CAMTA1: variants seen among roughly 807,000 people sequenced by gnomAD.
The protein encoded by CAMTA1 is calmodulin-binding transcription activator 1.
In CAMTA1, 27 loss-of-function variants were observed where a neutral mutation model predicts 170.9. The observed-to-expected ratio is 0.16, with a 90% CI of 0.12 to 0.22. CAMTA1 has a LOEUF of 0.22. CAMTA1 is among the 10% of genes least tolerant of loss of function. CAMTA1 has a pLI of 1.00. For missense variants in CAMTA1, 1,619 were observed against 2,217.2 expected, an observed-to-expected ratio of 0.73 and a Z score of 5.42; for synonymous variants, 833 against 891.5, an observed-to-expected ratio of 0.93 and a Z score of 1.17.
intron 6 of CAMTA1, among the ~76,000 whole-genome samples, chr1:7,553,538 G>A (rs74654737): frequency 0.027 from 4,075 of 152,340 alleles, 100 homozygotes; most frequent in Admixed American, 0.065. Context: ...GCGAAGCTCA[G>A]GGTTCTGTCC....
At position 6,883,577 on chromosome 1, in the gene CAMTA1, T is replaced by C. The variant is rs146678422; in HGVS notation, c.234+58367T>C. Among the ~76,000 whole-genome samples, 828 of 152,058 alleles carry C rather than the reference T, an allele frequency of 5.4e-3. 1 individual carries two copies. The highest frequency in any genetic ancestry group is 9.4e-3 in the Non-Finnish European group (640 of 67,968). ...CGATGTGAGGATTGAGGATAGACCA[T>C]GTGGTCTAAGCCAGGCAAGGAGCCA... On this transcript the variant is annotated intron_variant, in intron 3 of 22. Coordinates refer to ENST00000303635, the MANE Select transcript of CAMTA1 (RefSeq NM_015215.4).
chr1:7,742,132 C>CAT (rs34856922), intron 16 of CAMTA1, among the ~76,000 whole-genome samples: 35,278 of 150,952 alleles, frequency 0.23, 4,567 homozygotes, highest in Middle Eastern at 0.45. Flanking sequence ...TGTATATATA[C>CAT]ATATATATAT....
chr1:7,119,400 C>T (rs1644515702), intron 4 of CAMTA1, among the ~76,000 whole-genome samples: 1 of 152,144 alleles, frequency 6.6e-6, no homozygotes, highest in Admixed American at 6.5e-5. Flanking sequence ...TCCTAACCTC[C>T]CCATACCCCT....
intron 5 of CAMTA1, among the ~76,000 whole-genome samples, chr1:7,416,163 C>T (rs900334077): frequency 3.9e-5 from 6 of 152,126 alleles, no homozygotes; most frequent in African/African-American, 9.7e-5. Flanking sequence ...TTGTGGGTAA[C>T]CCGACCTTTC....
chr1:7,376,528 T>A (rs2086855229), intron 5 of CAMTA1, among the ~76,000 whole-genome samples: 1 of 152,144 alleles, frequency 6.6e-6, no homozygotes, highest in Admixed American at 6.5e-5. Flanking sequence ...AGTCCAGCAG[T>A]GTGGACGTTC....
At chr1:7,699,587 C>A (rs1468929583) in intron 11 of CAMTA1, among the ~76,000 whole-genome samples, 3 of 152,190 alleles carry the variant, frequency 2.0e-5, no homozygotes, top group Non-Finnish European at 4.4e-5. Flanking sequence ...TTTTGAAGAA[C>A]TGCCAGACTG....
In CAMTA1 at chr1:7,583,599, A is replaced by G. The variant is rs139037303; in HGVS notation, c.511-56801A>G. Among the ~76,000 whole-genome samples the G allele has an allele frequency of 9.6e-4, 146 of 152,202 alleles. 1 individual carries two copies. In the South Asian group the frequency reaches 0.013, roughly 14 times the overall value. On this transcript the variant is annotated intron_variant, in intron 6 of 22. Transcript: ENST00000303635. ...CTTCCCCTGTGTGGAACCTGCTCTG[A>G]GCATTTCTGCCAGGACAAAAGCCAC...
chr1:7,696,246 G>A (rs1417924909), intron 11 of CAMTA1, among the ~76,000 whole-genome samples: 1 of 152,174 alleles, frequency 6.6e-6, no homozygotes, highest in Non-Finnish European at 1.5e-5. Context: ...ACCCAGGCCA[G>A]AGTACAGTGG....
At chr1:6,876,045 G>A (rs1440738525) in intron 3 of CAMTA1, among the ~76,000 whole-genome samples, 1 of 152,202 alleles carries the variant, frequency 6.6e-6, no homozygotes, top group African/African-American at 2.4e-5. Context: ...CATCCACCCT[G>A]TAGAATACCA....
At chr1:6,794,843 C>CT (rs1054007747) in intron 1 of CAMTA1, among the ~76,000 whole-genome samples, 1 of 148,660 alleles carries the variant, frequency 6.7e-6, no homozygotes, top group Admixed American at 6.6e-5. Context: ...TTTTTATAAT[C>CT]TTTTTTATTA....
At chr1:7,484,865 G>A (rs931746794) in intron 6 of CAMTA1, among the ~76,000 whole-genome samples, 6 of 151,872 alleles carry the variant, frequency 4.0e-5, no homozygotes, top group Admixed American at 2.0e-4. Context: ...TGATAGAGCC[G>A]CCCGTGCTGA....
At chr1:6,830,446 C>T (rs549913892) in intron 3 of CAMTA1, among the ~76,000 whole-genome samples, 111 of 151,384 alleles carry the variant, frequency 7.3e-4, no homozygotes, top group Middle Eastern at 3.4e-3. Context: ...CGGGTTCAAG[C>T]GATTCTCCTG....
intron 3 of CAMTA1, among the ~76,000 whole-genome samples, chr1:7,052,948 G>A (rs970672814): frequency 1.3e-5 from 2 of 152,116 alleles, no homozygotes; most frequent in East Asian, 1.9e-4. Flanking sequence ...GCTTTCCATC[G>A]CCCAGAGCAG....
chr1:7,286,820 T>G lies in CAMTA1; in HGVS notation c.438+37194T>G, dbSNP rs1672411882. Reference sequence around the variant, plus strand: ...CTGAGTAGTAAGATATCAGGCAAGTTATTTAACTTTCCTAAGCCTCAGTTT... The same window carrying G: ...CTGAGTAGTAAGATATCAGGCAAGTGATTTAACTTTCCTAAGCCTCAGTTT... On this transcript the variant is annotated intron_variant, in intron 5 of 22. Transcript: ENST00000303635. The surrounding 1 kb of genome is among the most constrained non-coding windows in gnomAD (Gnocchi z 4.2). Among the ~76,000 whole-genome samples the G allele has an allele frequency of 6.6e-6, 1 of 152,174 alleles. No homozygotes were observed. Among genetic ancestry groups the G allele is most frequent in the South Asian group, 2.1e-4 (1 of 4,828 alleles).
chr1:7,061,727 G>A (rs113989962), intron 3 of CAMTA1, among the ~76,000 whole-genome samples: 10,623 of 142,630 alleles, frequency 0.074, 488 homozygotes, highest in East Asian at 0.16. Flanking sequence ...GTGGGGTGGC[G>A]GGGAGAAGGG....
At chr1:7,112,169 G>A (rs978559054) in intron 4 of CAMTA1, among the ~76,000 whole-genome samples, 7 of 152,198 alleles carry the variant, frequency 4.6e-5, no homozygotes, top group Admixed American at 1.3e-4. Flanking sequence ...TTGCAGGACC[G>A]CTGCGTAGAG....
At position 6,983,738 on chromosome 1, in the gene CAMTA1, G is replaced by T. The variant is rs549012177; in HGVS notation, c.235-107566G>T. Among the ~76,000 whole-genome samples the T allele has an allele frequency of 5.1e-3, 754 of 147,052 alleles. 12 individuals carry two copies. The highest frequency in any genetic ancestry group is 0.018 in the African/African-American group (707 of 40,008). ...GTTGAATGTATGGGTAGGGGGATGG[G>T]TGGGTGGATAGAGGGTTGGGTGGGT... is the stretch of plus-strand genomic sequence containing the variant. On this transcript the variant is annotated intron_variant, in intron 3 of 22. Coordinates refer to ENST00000303635, the MANE Select transcript of CAMTA1 (RefSeq NM_015215.4).
intron 6 of CAMTA1, among the ~76,000 whole-genome samples, chr1:7,553,247 G>GT: frequency 1.4e-5 from 1 of 71,740 alleles, no homozygotes; most frequent in Non-Finnish European, 4.2e-5. Context: ...GAATGAATGA[G>GT]GGAATGAATG....
At chr1:7,436,999 TCC>T (rs1299865326) in intron 5 of CAMTA1, among the ~76,000 whole-genome samples, 5 of 151,758 alleles carry the variant, frequency 3.3e-5, no homozygotes, top group African/African-American at 9.7e-5. Context: ...AGGATCTAAG[TCC>T]CCCATGTCTC....
Sources: gnomAD v4.1 joint callset for allele counts (sites outside exome capture counted in the v4.1 genomes callset) on GRCh38, gnomAD v4.1.1 for gene constraint, Gnocchi (gnomAD v3.1) non-coding constraint, MANE v1.5 for transcripts, NCBI Gene and HGNC (gene_info 2026-07-23, HGNC 2026-07-21) for gene names.